The following ADORA2B variants were observed in gnomAD, a reference collection of about 807,000 sequenced individuals.
ADORA2B encodes adenosine receptor A2b.
Under a neutral mutation model 20.8 loss-of-function variants are expected in ADORA2B, and 18 were observed. That is an observed-to-expected ratio of 0.87 (90% CI 0.60 to 1.29). The LOEUF (loss-of-function observed/expected upper bound fraction) is 1.29. ADORA2B is among the 50% of genes most tolerant of loss of function. The pLI is 0.00. For missense variants in ADORA2B, 441 were observed against 422.7 expected (o/e 1.04, Z -0.38); for synonymous variants, 179 against 178.3 (o/e 1.00, Z -0.03).
At chr17:15,941,950 A>T (rs529693252), upstream of ADORA2B, among the ~76,000 whole-genome samples, 1 of 151,824 alleles carries the variant, frequency 6.6e-6, no homozygotes, top group Admixed American at 6.5e-5. Context: ...GACTTTGTGA[A>T]GAGGGGCGGG....
the ADORA2B span, among the ~76,000 whole-genome samples, chr17:15,911,197 G>C: frequency 6.6e-6 from 1 of 152,174 alleles, no homozygotes; most frequent in East Asian, 1.9e-4. Context: ...TTGAGGCACC[G>C]TCAGAACCAA....
At chr17:15,947,687 A>G (rs1330372414) in intron 1 of ADORA2B, among the ~76,000 whole-genome samples, 1 of 152,202 alleles carries the variant, frequency 6.6e-6, no homozygotes, top group African/African-American at 2.4e-5. Context: ...GAGGTGTACT[A>G]GGGCCCCCAG....
the ADORA2B span, among the ~76,000 whole-genome samples, chr17:15,888,062 A>T: frequency 8.0e-6 from 1 of 125,778 alleles, no homozygotes; most frequent in Non-Finnish European, 1.7e-5. Flanking sequence ...AAACAATAAT[A>T]TGAACAGAAT....
the ADORA2B span, among the ~76,000 whole-genome samples, chr17:15,856,662 A>G: frequency 2.4e-4 from 37 of 152,336 alleles, no homozygotes; most frequent in African/African-American, 8.7e-4. Flanking sequence ...GTGGTCTCAG[A>G]TGGGGATGAG....
chr17:15,904,384 A>G, the ADORA2B span, among the ~76,000 whole-genome samples: 1 of 143,324 alleles, frequency 7.0e-6, no homozygotes, highest in African/African-American at 2.6e-5. Context: ...GAACTTTTGT[A>G]CTTCTGCTTT....
chr17:15,972,948 A>G (rs901898604), intron 1 of ADORA2B, among the ~76,000 whole-genome samples: 2 of 152,122 alleles, frequency 1.3e-5, no homozygotes, highest in African/African-American at 4.8e-5. Flanking sequence ...TTTTGTAGAG[A>G]TGGAGTTTCA....
intron 1 of ADORA2B, among the ~76,000 whole-genome samples, chr17:15,947,275 C>G (rs1039677257): frequency 2.0e-5 from 3 of 152,168 alleles, no homozygotes; most frequent in Non-Finnish European, 2.9e-5. Flanking sequence ...CAGTCACAAG[C>G]CCCAGCCTGA....
At chr17:15,951,439 G>A (rs1425183740) in intron 1 of ADORA2B, among the ~76,000 whole-genome samples, 1 of 152,218 alleles carries the variant, frequency 6.6e-6, no homozygotes, top group Non-Finnish European at 1.5e-5. Flanking sequence ...AAGCCTGAGT[G>A]TTACTTTGCT....
chr17:15,974,652 C>T (rs547618661), intron 1 of ADORA2B, 27 bp from the exon 2 acceptor site: 61 of 1,594,792 alleles, frequency 3.8e-5, no homozygotes, highest in Admixed American at 2.2e-4. Flanking sequence ...ATAAACTGAC[C>T]GTAACAGATG....
chr17:15,869,812 T>C, the ADORA2B span, among the ~76,000 whole-genome samples: 54 of 152,326 alleles, frequency 3.5e-4, no homozygotes, highest in Admixed American at 1.2e-3. Flanking sequence ...AAAATGGCAT[T>C]TTTCCAAGTG....
At chr17:15,873,754 C>A in the ADORA2B span, among the ~76,000 whole-genome samples, 1 of 152,004 alleles carries the variant, frequency 6.6e-6, no homozygotes, top group African/African-American at 2.4e-5. Flanking sequence ...TAAATGTTGG[C>A]GTGGATGTGG....
chr17:15,925,311 C>A, the ADORA2B span, among the ~76,000 whole-genome samples: 3 of 152,126 alleles, frequency 2.0e-5, no homozygotes, highest in Admixed American at 6.6e-5. Context: ...GCTGGAATTA[C>A]AGGCGTGAGC....
the ADORA2B span, among the ~76,000 whole-genome samples, chr17:15,923,084 G>A: frequency 6.6e-6 from 1 of 151,430 alleles, no homozygotes; most frequent in Admixed American, 6.6e-5. Flanking sequence ...GTGCAGTGGT[G>A]TGATCTCGGC....
At chr17:15,926,233 C>T in the ADORA2B span, among the ~76,000 whole-genome samples, 1 of 152,060 alleles carries the variant, frequency 6.6e-6, no homozygotes, top group Non-Finnish European at 1.5e-5. Context: ...GGAGATAGAA[C>T]AGTAAGTGAG....
chr17:15,902,728 A>G, the ADORA2B span, among the ~76,000 whole-genome samples: 1 of 152,200 alleles, frequency 6.6e-6, no homozygotes, highest in Non-Finnish European at 1.5e-5. Flanking sequence ...ACATGGGAGG[A>G]TGATTTCCCT....
chr17:15,873,063 T>C, the ADORA2B span, among the ~76,000 whole-genome samples: 1 of 152,176 alleles, frequency 6.6e-6, no homozygotes, highest in Non-Finnish European at 1.5e-5. Context: ...ATATATATTA[T>C]TTTGAGGCAA....
chr17:15,952,958 A>G (rs1027456887), intron 1 of ADORA2B, among the ~76,000 whole-genome samples: 3 of 152,240 alleles, frequency 2.0e-5, no homozygotes, highest in African/African-American at 7.2e-5. Flanking sequence ...CAAATAGCAA[A>G]TGTATCTTCT....
chr17:15,853,591 T>G, the ADORA2B span, among the ~76,000 whole-genome samples: 3 of 152,216 alleles, frequency 2.0e-5, no homozygotes, highest in African/African-American at 7.2e-5. Flanking sequence ...GTCAAAATCT[T>G]AGAAAAACAT....
the ADORA2B span, among the ~76,000 whole-genome samples, chr17:15,901,471 G>GAA: frequency 1.0e-4 from 13 of 124,132 alleles, no homozygotes; most frequent in African/African-American, 3.8e-4. Context: ...TCTCAAAAGA[G>GAA]AAAAAAAAAA....
Sources: allele counts gnomAD v4.1 joint callset (sites outside exome capture counted in the v4.1 genomes callset), GRCh38; gene constraint gnomAD v4.1.1; transcripts MANE v1.5; gene names NCBI Gene and HGNC (gene_info 2026-07-23, HGNC 2026-07-21).